MEGF6: variants seen among roughly 807,000 people sequenced by gnomAD.
MEGF6 encodes multiple EGF like domains 6, also known as multiple epidermal growth factor-like domains protein 6.
MEGF6 carries 184 observed loss-of-function variants against 207.1 expected under a neutral mutation model. The observed-to-expected ratio is 0.89, with a 90% confidence interval of 0.79 to 1.00. The LOEUF is 1.00. Ranked by LOEUF, MEGF6 falls within the 50% of genes least tolerant of loss-of-function variation. MEGF6 has a pLI of 0.00. For missense variants in MEGF6, 2,282 were observed against 2,202.9 expected (o/e 1.04, Z -0.72); for synonymous variants, 1,038 against 910.0 (o/e 1.14, Z -2.53).
At chr1:3,611,590 G>A, upstream of MEGF6, 1 of 172,362 alleles carries the variant, frequency 5.8e-6, no homozygotes, top group Non-Finnish European at 1.0e-5. Flanking sequence ...GCCCTGGCTC[G>A]CCCGCCCCCT....
chr1:3,582,360 G>A (rs946033246), intron 3 of MEGF6, among the ~76,000 whole-genome samples: 10 of 152,150 alleles, frequency 6.6e-5, no homozygotes, highest in Admixed American at 3.3e-4. Context: ...AGATAGCCCC[G>A]TACGCACTGG....
At chr1:3,610,235 G>C (rs1224990131) in intron 1 of MEGF6, among the ~76,000 whole-genome samples, 2 of 152,234 alleles carry the variant, frequency 1.3e-5, no homozygotes, top group Non-Finnish European at 2.9e-5. Flanking sequence ...GCTCGACGTG[G>C]CAGCTTCTTC....
intron 4 of MEGF6, among the ~76,000 whole-genome samples, chr1:3,568,092 C>T (rs1643397848): frequency 6.6e-6 from 1 of 152,198 alleles, no homozygotes; most frequent in Admixed American, 6.5e-5. Context: ...AGGAATTCCC[C>T]AGGAATTTGC....
Position 3,520,019 on chromosome 1 carries a change from C to T in MEGF6, c.604+4105G>A, listed in dbSNP as rs145221629. 2.6e-5 allele frequency among the ~76,000 whole-genome samples: 4 copies of T among 152,362 alleles called. No individual in the cohort carries two copies. In the East Asian group the frequency reaches 7.7e-4, roughly 29 times the overall value. On this transcript the variant is annotated intron_variant, in intron 5 of 36. Coordinates refer to ENST00000356575, the MANE Select transcript of MEGF6 (RefSeq NM_001409.4). ...AGGGTGTGACAACAGAGTCCCCTCT[C>T]CAACAGTGTCCATCCCAAAGGCCTG...
intron 2 of MEGF6, among the ~76,000 whole-genome samples, chr1:3,595,764 G>A (rs1395422577): frequency 6.6e-6 from 1 of 152,100 alleles, no homozygotes; most frequent in Non-Finnish European, 1.5e-5. Context: ...CTCCAGGCTG[G>A]CGTTGGGACG....
At chr1:3,516,936 G>A (rs948519839) in intron 5 of MEGF6, among the ~76,000 whole-genome samples, 7 of 152,280 alleles carry the variant, frequency 4.6e-5, no homozygotes, top group East Asian at 1.9e-4. Context: ...AGGTAAGCCC[G>A]TCTGCCTCTG....
chr1:3,547,034 TG>T (rs760792918), intron 4 of MEGF6: 133 of 153,696 alleles, frequency 8.7e-4, no homozygotes, highest in East Asian at 3.6e-3. Flanking sequence ...AGCTGGTGGC[TG>T]GGGGGGGGCC....
chr1:3,593,492 C>T (rs866323851), intron 3 of MEGF6, among the ~76,000 whole-genome samples: 2 of 146,598 alleles, frequency 1.4e-5, no homozygotes, highest in Middle Eastern at 3.3e-3. Flanking sequence ...GCCATTCATG[C>T]GGCTGTGCCT....
At chr1:3,503,013 G>A (rs1477397448) in intron 17 of MEGF6, among the ~76,000 whole-genome samples, 1 of 152,196 alleles carries the variant, frequency 6.6e-6, no homozygotes, top group Non-Finnish European at 1.5e-5. Context: ...ACCCCGTGCT[G>A]CATGCCAAAG....
At position 3,611,259 on chromosome 1, in the gene MEGF6, G is replaced by A; in HGVS notation, c.10C>T (p.Leu4Phe). The A allele has an allele frequency of 6.7e-7, 1 of 1,489,500 alleles. No individual in the cohort carries two copies. Among genetic ancestry groups the A allele is most frequent in the Non-Finnish European group, 8.9e-7 (1 of 1,128,254 alleles). The allele number at this position is 1,489,500 out of a possible 1,614,324, so 92.3% of individuals were successfully genotyped here. A position where few individuals can be genotyped will look rare whatever the true frequency, so the allele number is the denominator to read the frequency against. MSF[L>F]EEARAAGRAV... ...CGCCCCGCTGCCCTCGCCTCTTCAAGGAACGACATCGTGCGCGCCGGTGCC... is the reference window on the plus strand; with the variant it reads ...CGCCCCGCTGCCCTCGCCTCTTCAAAGAACGACATCGTGCGCGCCGGTGCC... The change falls in exon 1 of 37, where the codon CTT becomes TTT. Residue 4 changes from leucine (L) to phenylalanine (F), a missense_variant. Coordinates refer to ENST00000356575, the MANE Select transcript of MEGF6 (RefSeq NM_001409.4).
chr1:3,532,226 A>C (rs919326364), intron 4 of MEGF6, among the ~76,000 whole-genome samples: 1 of 152,236 alleles, frequency 6.6e-6, no homozygotes, highest in Non-Finnish European at 1.5e-5. Flanking sequence ...CAGCAGAAGG[A>C]ACCACAGATT....
intron 4 of MEGF6, among the ~76,000 whole-genome samples, chr1:3,552,422 C>G (rs546481395): frequency 6.6e-6 from 1 of 152,250 alleles, no homozygotes; most frequent in Non-Finnish European, 1.5e-5. Flanking sequence ...TAAGACCACG[C>G]GTGGCGGCTC....
At position 3,578,245 on chromosome 1, in the gene MEGF6, A is replaced by G. The variant is rs1643697040; in HGVS notation, c.481+1580T>C. 2.0e-5 allele frequency among the ~76,000 whole-genome samples: 3 copies of G among 152,234 alleles called. No individual in the cohort carries two copies. In the South Asian group the frequency reaches 6.2e-4, roughly 31 times the overall value. On this transcript the variant is annotated intron_variant, in intron 4 of 36. Transcript: ENST00000356575. ...TCCCGGAAACCTCCCCAGCCTGCCC[A>G]GTCAGCCCTGGTATTTCCGCGTGAA...
chr1:3,528,860 C>T (rs778672939), intron 4 of MEGF6, among the ~76,000 whole-genome samples: 1 of 152,166 alleles, frequency 6.6e-6, no homozygotes. Flanking sequence ...GACTGGGCCT[C>T]GCAGGACTGT....
In MEGF6 at chr1:3,595,402, G is replaced by A; in HGVS notation, c.312C>T (p.Ala104=). 1 of 1,612,700 alleles carries A rather than the reference G, an allele frequency of 6.2e-7. No homozygotes were observed. The highest frequency in any genetic ancestry group is 8.5e-7 in the Non-Finnish European group (1 of 1,179,932). The change falls in exon 3 of 37, where the codon GCC becomes GCT. Residue 104 remains alanine (A), a synonymous_variant. Coordinates refer to ENST00000356575, the MANE Select transcript of MEGF6 (RefSeq NM_001409.4). ...MGYRQVYTTE[A]RTVLRCCRGW... The stretch of plus-strand genomic sequence containing the variant: ...CTCGGCAGCACCTGAGCACGGTCCG[G>A]GCCTCCGTGGTATACACCTGCCTGT...
At chr1:3,531,670 A>G (rs1172746503) in intron 4 of MEGF6, among the ~76,000 whole-genome samples, 1 of 152,128 alleles carries the variant, frequency 6.6e-6, no homozygotes, top group East Asian at 1.9e-4. Context: ...ACACAGACTC[A>G]CGTGTGCAAA....
At chr1:3,621,079 A>G in the MEGF6 span, among the ~76,000 whole-genome samples, 1 of 152,240 alleles carries the variant, frequency 6.6e-6, no homozygotes, top group Non-Finnish European at 1.5e-5. Context: ...GCGGACCAGG[A>G]GCATGACCAC....
intron 29 of MEGF6, 132 bp from the exon 30 acceptor site, chr1:3,496,150 C>T (rs934493944): frequency 6.4e-5 from 84 of 1,320,624 alleles, no homozygotes; most frequent in Non-Finnish European, 7.8e-5. Flanking sequence ...GTGGGGCCAG[C>T]CAACTCTCAT....
At position 3,494,059 on chromosome 1, in the gene MEGF6, A is replaced by C. The variant is rs374588796; in HGVS notation, c.4195T>G (p.Cys1399Gly). ...AGGCATCGGCCACTGATGGGGTCGC[A>C]GGGGGCTCCATGTTGACACCAGCAC... is the stretch of plus-strand genomic sequence containing the variant. ...GLCWCQHGAP[C>G]DPISGRCLCP... The change falls in exon 33 of 37, where the codon TGC (cysteine) becomes GGC (glycine). Residue 1399 changes from cysteine to glycine, a missense_variant. Cys to Gly is a radical substitution (Grantham distance 159). Coordinates refer to ENST00000356575, the MANE Select transcript of MEGF6 (RefSeq NM_001409.4). 5.6e-5 allele frequency: 90 copies of C among 1,606,694 alleles called. No homozygotes were observed. Among genetic ancestry groups the C allele is most frequent in the Non-Finnish European group, 7.1e-5 (84 of 1,176,808 alleles).
Sources: allele counts gnomAD v4.1 joint callset (sites outside exome capture counted in the v4.1 genomes callset), GRCh38; gene constraint gnomAD v4.1.1; transcripts MANE v1.5; gene names NCBI Gene and HGNC (gene_info 2026-07-23, HGNC 2026-07-21).